The following PDGFRL variants were observed in gnomAD, a reference collection of about 807,000 sequenced individuals.
PDGFRL encodes the protein platelet-derived growth factor receptor-like protein.
Under a neutral mutation model 37.2 loss-of-function variants are expected in PDGFRL, and 46 were observed. That is an observed-to-expected ratio of 1.24 (90% confidence interval 0.98 to 1.58). The LOEUF (loss-of-function observed/expected upper bound fraction) is 1.58. PDGFRL is among the 40% of genes most tolerant of loss of function. The pLI, the probability that PDGFRL is intolerant of heterozygous loss-of-function variation, is 0.00. For missense variants in PDGFRL, 692 were observed against 467.6 expected (o/e 1.48, Z -4.43); for synonymous variants, 251 against 184.3 (o/e 1.36, Z -2.93).
intron 2 of PDGFRL, among the ~76,000 whole-genome samples, chr8:17,595,057 T>C (rs1300827800): frequency 6.6e-6 from 1 of 152,208 alleles, no homozygotes; most frequent in African/African-American, 2.4e-5. Flanking sequence ...TGTTTGTGTT[T>C]TGAATACACA....
At chr8:17,620,842 CT>C (rs893275205) in intron 2 of PDGFRL, among the ~76,000 whole-genome samples, 1 of 133,708 alleles carries the variant, frequency 7.5e-6, no homozygotes, top group African/African-American at 2.8e-5. Context: ...TTCCTGATTT[CT>C]TTTTTTTCAG....
chr8:17,603,512 C>A (rs1303153655), intron 2 of PDGFRL, among the ~76,000 whole-genome samples: 1 of 152,148 alleles, frequency 6.6e-6, no homozygotes, highest in African/African-American at 2.4e-5. Flanking sequence ...CATCCCAGAT[C>A]CCATAAACAT....
chr8:17,583,826 C>T (rs985821252), intron 1 of PDGFRL, among the ~76,000 whole-genome samples: 4 of 152,306 alleles, frequency 2.6e-5, no homozygotes, highest in Non-Finnish European at 4.4e-5. Context: ...TCCATGTGAT[C>T]TCTGCATATA....
chr8:17,593,659 C>G (rs112033133), intron 2 of PDGFRL, among the ~76,000 whole-genome samples: 129,779 of 151,438 alleles, frequency 0.86, 57,552 homozygotes, highest in Non-Finnish European at 0.97. Flanking sequence ...CTTTGGGAGG[C>G]TGAGGCGGGC....
Position 17,595,251 on chromosome 8 carries a change from TC to T in PDGFRL, c.353+5489del, listed in dbSNP as rs1181016086. Reference sequence around the variant, plus strand: ...AATGCCAGAGGGAGCCTCCTTGCCCTCCCTCCCTGCCCACCATCCCCTCAAC... The same window carrying T: ...AATGCCAGAGGGAGCCTCCTTGCCCTCCTCCCTGCCCACCATCCCCTCAAC... On this transcript the variant is annotated intron_variant, in intron 2 of 5. Transcript: ENST00000251630. 3.3e-5 allele frequency among the ~76,000 whole-genome samples: 5 copies of T among 151,960 alleles called. No individual in the cohort carries two copies. In the East Asian group the frequency reaches 9.8e-4, roughly 30 times the overall value.
rs146113044 is a variant in PDGFRL, at chr8:17,631,775, T to A, written c.800-2299T>A. On this transcript the variant is annotated intron_variant, in intron 4 of 5. Coordinates refer to ENST00000251630, the MANE Select transcript of PDGFRL (RefSeq NM_001372073.1). ...GGGAACAGCCTCTGCCCTGGCTCCA[T>A]TTTTCCCAGCTTCCCCCACCTCCCC... Among the ~76,000 whole-genome samples the A allele has an allele frequency of 2.2e-4, 33 of 152,058 alleles. No homozygotes were observed. In the East Asian group the frequency reaches 6.2e-3, roughly 29 times the overall value.
intron 5 of PDGFRL, among the ~76,000 whole-genome samples, chr8:17,636,164 G>A (rs186766638): frequency 1.0e-3 from 152 of 152,222 alleles, no homozygotes; most frequent in African/African-American, 3.5e-3. Flanking sequence ...TTGCTTTTTG[G>A]TTCTTGGTCA....
chr8:17,605,933 G>A (rs1007256044), intron 2 of PDGFRL, among the ~76,000 whole-genome samples: 2 of 152,142 alleles, frequency 1.3e-5, no homozygotes, highest in Non-Finnish European at 2.9e-5. Context: ...ATTTGGCCAC[G>A]GTTGGCAACA....
chr8:17,625,410 A>G lies in PDGFRL; in HGVS notation c.506-3077A>G, dbSNP rs375479883. Among the ~76,000 whole-genome samples the G allele has an allele frequency of 6.1e-3, 921 of 150,478 alleles. 4 individuals carry two copies. Among genetic ancestry groups the G allele is most frequent in the Middle Eastern group, 0.011 (3 of 280 alleles). ...CATGATCCGCCTGCCTTGGCCTCCC[A>G]AAGTGCCGGGATTACAGGCGTGAGC... is the stretch of plus-strand genomic sequence containing the variant. On this transcript the variant is annotated intron_variant, in intron 3 of 5. Coordinates refer to ENST00000251630, the MANE Select transcript of PDGFRL (RefSeq NM_001372073.1).
At chr8:17,591,050 T>C (rs544471566) in intron 2 of PDGFRL, among the ~76,000 whole-genome samples, 8 of 152,084 alleles carry the variant, frequency 5.3e-5, no homozygotes, top group African/African-American at 1.9e-4. Context: ...GCCTGGCTAA[T>C]TTTTTGCTTT....
At position 17,589,630 on chromosome 8, in the gene PDGFRL, A is replaced by G; in HGVS notation, c.218A>G (p.Asp73Gly). ...CAGTCTATCATGATGCAAGTGCTGG[A>G]TAAAGGTCGCTTCCAGAAACCCGCC... ...KTQSIMMQVL[D>G]KGRFQKPAAT... is the part of the protein sequence containing the mutation. The change falls in exon 2 of 6, where the codon GAT becomes GGT. Residue 73 changes from aspartate (D) to glycine (G), a missense_variant. Asp to Gly is a moderately conservative substitution (Grantham distance 94). Transcript: ENST00000251630. The G allele has an allele frequency of 6.2e-7, 1 of 1,614,038 alleles. No individual in the cohort carries two copies. The highest frequency in any genetic ancestry group is 2.2e-5 in the East Asian group (1 of 44,862).
chr8:17,631,271 A>C (rs764660184), intron 4 of PDGFRL, among the ~76,000 whole-genome samples: 9 of 152,048 alleles, frequency 5.9e-5, no homozygotes, highest in Non-Finnish European at 1.2e-4. Context: ...TAGTCCCTCA[A>C]AGGTGACTTT....
At chr8:17,621,863 A>C (rs1244548254) in intron 3 of PDGFRL, among the ~76,000 whole-genome samples, 1 of 152,062 alleles carries the variant, frequency 6.6e-6, no homozygotes, top group Non-Finnish European at 1.5e-5. Flanking sequence ...GGTAGAAGTG[A>C]GGTCTCACTG....
chr8:17,591,426 C>T (rs1442182632), intron 2 of PDGFRL, among the ~76,000 whole-genome samples: 2 of 152,174 alleles, frequency 1.3e-5, no homozygotes, highest in Non-Finnish European at 2.9e-5. Flanking sequence ...TACGGGGTTA[C>T]AGTCCTGTGC....
chr8:17,584,363 T>G (rs952489842), intron 1 of PDGFRL, among the ~76,000 whole-genome samples: 2 of 152,100 alleles, frequency 1.3e-5, no homozygotes, highest in African/African-American at 4.8e-5. Flanking sequence ...CGATGCTGAA[T>G]AAGCAACAGG....
At chr8:17,579,550 A>ATTATT (rs1803662452) in intron 1 of PDGFRL, among the ~76,000 whole-genome samples, 1 of 57,962 alleles carries the variant, frequency 1.7e-5, no homozygotes, top group South Asian at 5.5e-4. Flanking sequence ...TTATTTTATT[A>ATTATT]TTATTGTTAT....
At chr8:17,599,541 C>T (rs1804123429) in intron 2 of PDGFRL, among the ~76,000 whole-genome samples, 1 of 152,144 alleles carries the variant, frequency 6.6e-6, no homozygotes, top group Non-Finnish European at 1.5e-5. Flanking sequence ...CCCTAAATGA[C>T]CCTGTTCATC....
intron 2 of PDGFRL, among the ~76,000 whole-genome samples, chr8:17,620,254 C>T (rs576659861): frequency 2.0e-5 from 3 of 152,264 alleles, no homozygotes; most frequent in African/African-American, 7.2e-5. Context: ...GAACCACTGC[C>T]AAACACATTC....
Position 17,642,658 on chromosome 8 carries a change from A to G in PDGFRL, c.985A>G (p.Arg329Gly). Reference sequence around the variant, plus strand: ...CCAAGACACTTGGAGGTTGATCCACAGAGGACTGGGACACACCACGAGAAT... The same window carrying G: ...CCAAGACACTTGGAGGTTGATCCACGGAGGACTGGGACACACCACGAGAAT... Reference protein sequence around the residue: ...TIQDTWRLIHRGLGHTTRISQ... With the variant: ...TIQDTWRLIHGGLGHTTRISQ... The change falls in exon 6 of 6, where the codon AGA becomes GGA. Residue 329 changes from arginine (R) to glycine (G), a missense_variant. By Grantham distance (125) the Arg-to-Gly change is moderately radical. Transcript: ENST00000251630. The G allele has an allele frequency of 1.2e-6, 2 of 1,610,404 alleles. No homozygotes were observed. Among genetic ancestry groups the G allele is most frequent in the Non-Finnish European group, 1.7e-6 (2 of 1,176,514 alleles).
Sources: gnomAD v4.1 joint callset for allele counts (sites outside exome capture counted in the v4.1 genomes callset) on GRCh38, gnomAD v4.1.1 for gene constraint, MANE v1.5 for transcripts, NCBI Gene and HGNC (gene_info 2026-07-23, HGNC 2026-07-21) for gene names.